The following C14orf132 variants were observed in gnomAD, a reference collection of about 807,000 sequenced individuals.
C14orf132 encodes the protein chromosome 14 open reading frame 132.
Under a neutral mutation model 5.8 loss-of-function variants are expected in C14orf132, and 6 were observed. That is an observed-to-expected ratio of 1.03 (90% CI 0.57 to 2.04). The LOEUF (loss-of-function observed/expected upper bound fraction) is 2.04, where lower values mean the gene tolerates loss of function less well. C14orf132 is among the 30% of genes most tolerant of loss of function. The pLI, the probability that C14orf132 is intolerant of heterozygous loss-of-function variation, is 0.00. For missense variants in C14orf132, 125 were observed against 115.8 expected, an observed-to-expected ratio of 1.08 and a Z score of -0.37; for synonymous variants, 51 against 49.8, an observed-to-expected ratio of 1.02 and a Z score of -0.10.
At chr14:96,077,248 T>C (rs778530596) in intron 1 of C14orf132, among the ~76,000 whole-genome samples, 5 of 152,174 alleles carry the variant, frequency 3.3e-5, no homozygotes, top group Non-Finnish European at 7.3e-5. Context: ...GGTGTGATAA[T>C]TTTGGACTGG....
intron 1 of C14orf132, among the ~76,000 whole-genome samples, chr14:96,051,515 C>T (rs1887024484): frequency 6.6e-6 from 1 of 152,202 alleles, no homozygotes; most frequent in South Asian, 2.1e-4. Flanking sequence ...GAGGACCCCT[C>T]ATCCATCTCC....
At chr14:96,051,578 G>A (rs1887026937) in intron 1 of C14orf132, among the ~76,000 whole-genome samples, 2 of 152,288 alleles carry the variant, frequency 1.3e-5, no homozygotes, top group South Asian at 4.1e-4. Context: ...TTGGTTTCCA[G>A]CAGCTTTGAG....
chr14:96,075,703 G>A (rs912418832), intron 1 of C14orf132, among the ~76,000 whole-genome samples: 2 of 152,228 alleles, frequency 1.3e-5, no homozygotes, highest in Admixed American at 1.3e-4. Flanking sequence ...TTTCTTCATA[G>A]TTCTGTCAGT....
chr14:96,070,735 A>G (rs960680200), intron 1 of C14orf132, among the ~76,000 whole-genome samples: 3 of 152,092 alleles, frequency 2.0e-5, no homozygotes, highest in Admixed American at 6.5e-5. Flanking sequence ...TGTTAAAGGC[A>G]CGGATAGAAA....
intron 1 of C14orf132, among the ~76,000 whole-genome samples, chr14:96,069,939 G>C (rs372606069): frequency 6.6e-6 from 1 of 152,218 alleles, no homozygotes; most frequent in South Asian, 2.1e-4. Flanking sequence ...GTGCTCATTA[G>C]CATTTCTTCC....
At chr14:96,045,372 G>A (rs1345853511) in intron 1 of C14orf132, among the ~76,000 whole-genome samples, 1 of 152,238 alleles carries the variant, frequency 6.6e-6, no homozygotes, top group Non-Finnish European at 1.5e-5. Context: ...GTGCACAAAG[G>A]CAAGAAGGCT....
chr14:96,083,127 G>A (rs1888078959), intron 1 of C14orf132, among the ~76,000 whole-genome samples: 1 of 152,256 alleles, frequency 6.6e-6, no homozygotes, highest in South Asian at 2.1e-4. Flanking sequence ...GGAGCTCCAG[G>A]ATTGGGGTTT....
chr14:96,061,744 C>G (rs1887364262), intron 1 of C14orf132, among the ~76,000 whole-genome samples: 1 of 151,920 alleles, frequency 6.6e-6, no homozygotes, highest in African/African-American at 2.4e-5. Context: ...GGGCGGGTCT[C>G]TACAAAAAAT....
chr14:96,071,611 C>T (rs139444612), intron 1 of C14orf132, among the ~76,000 whole-genome samples: 2,312 of 152,348 alleles, frequency 0.015, 22 homozygotes, highest in Non-Finnish European at 0.023. Context: ...AGTCTTTGGC[C>T]AGCTTGCCAC....
intron 1 of C14orf132, among the ~76,000 whole-genome samples, chr14:96,049,439 C>T (rs1364615538): frequency 2.7e-5 from 4 of 148,282 alleles, no homozygotes; most frequent in Non-Finnish European, 3.0e-5. Context: ...CTCCTGAGTT[C>T]ACACCATTCT....
intron 1 of C14orf132, among the ~76,000 whole-genome samples, chr14:96,056,689 G>GT (rs147633061): frequency 0.017 from 2,647 of 151,884 alleles, 77 homozygotes; most frequent in African/African-American, 0.06. Context: ...ACTATTTTCT[G>GT]TTTTTTTTGG....
At chr14:96,043,405 C>G (rs1270409426) in intron 1 of C14orf132, among the ~76,000 whole-genome samples, 6 of 152,202 alleles carry the variant, frequency 3.9e-5, no homozygotes, top group Admixed American at 6.5e-5. Context: ...GGCTCCTTCA[C>G]TTGTTCTTAT....
intron 1 of C14orf132, among the ~76,000 whole-genome samples, chr14:96,044,947 C>T (rs796241700): frequency 4.6e-5 from 7 of 152,236 alleles, no homozygotes; most frequent in African/African-American, 1.7e-4. Context: ...TTCTACCTAT[C>T]GAGGGGACAC....
chr14:96,058,918 C>T (rs1429131447), intron 1 of C14orf132, among the ~76,000 whole-genome samples: 3 of 152,210 alleles, frequency 2.0e-5, no homozygotes, highest in African/African-American at 4.8e-5. Flanking sequence ...TTGCATATCC[C>T]GAGAAAGTCA....
At chr14:96,042,946 A>G (rs1886732706) in intron 1 of C14orf132, among the ~76,000 whole-genome samples, 1 of 152,226 alleles carries the variant, frequency 6.6e-6, no homozygotes, top group African/African-American at 2.4e-5. Flanking sequence ...CTGGATGTCC[A>G]GTGGGCTGGG....
intron 1 of C14orf132, among the ~76,000 whole-genome samples, chr14:96,051,843 C>T (rs568077531): frequency 6.6e-6 from 1 of 152,352 alleles, no homozygotes; most frequent in Admixed American, 6.5e-5. Context: ...TGCCAGCCTT[C>T]ATCGTCTTTG....
chr14:96,086,805 C>A lies in C14orf132; in HGVS notation c.*70C>A. 1 of 1,441,828 alleles carries A rather than the reference C, an allele frequency of 6.9e-7. No homozygotes were observed. The allele number at this position is 1,441,828 out of a possible 1,614,324, so 89.3% of individuals were successfully genotyped here. A position where few individuals can be genotyped will look rare whatever the true frequency, so the allele number is the denominator to read the frequency against. On this transcript the variant is annotated 3_prime_UTR_variant, in exon 2 of 2. Coordinates refer to ENST00000555004, the MANE Select transcript of C14orf132 (RefSeq NM_001252507.3). ...GCTCTGACTTGCTGTCGGCCTTTGG[C>A]TTCTCCTGTGTTCTAGAACCAGGAG... is the stretch of plus-strand genomic sequence containing the variant.
At chr14:96,043,567 G>T (rs890682279) in intron 1 of C14orf132, among the ~76,000 whole-genome samples, 1 of 152,138 alleles carries the variant, frequency 6.6e-6, no homozygotes, top group Non-Finnish European at 1.5e-5. Context: ...CAAGAGTCCT[G>T]CTGCCCAGGT....
intron 1 of C14orf132, among the ~76,000 whole-genome samples, chr14:96,056,880 CA>C (rs1887199507): frequency 6.6e-6 from 1 of 152,140 alleles, no homozygotes; most frequent in Non-Finnish European, 1.5e-5. Context: ...TGATGTATGG[CA>C]AAAACACTGG....
Sources: gnomAD v4.1 joint callset for allele counts (sites outside exome capture counted in the v4.1 genomes callset) on GRCh38, gnomAD v4.1.1 for gene constraint, MANE v1.5 for transcripts, NCBI Gene and HGNC (gene_info 2026-07-23, HGNC 2026-07-21) for gene names.